The following CLK1 variants were observed in gnomAD, a reference collection of about 807,000 sequenced individuals.
CLK1 encodes dual specificity protein kinase CLK1.
In CLK1, 40 loss-of-function variants were observed where a neutral mutation model predicts 60.9. That is an observed-to-expected ratio of 0.66 (90% CI 0.51 to 0.86). CLK1 has a LOEUF of 0.86. Ranked by LOEUF, CLK1 falls within the 40% of genes least tolerant of loss-of-function variation. The probability of loss-of-function intolerance (pLI) is 0.00; values close to 1 mark genes in which losing one functional copy is unlikely to be tolerated. For synonymous variants in CLK1, 203 were observed against 184.4 expected (o/e 1.10, Z -0.82); for missense variants, 563 against 606.1 (o/e 0.93, Z 0.75).
Position 200,861,781 on chromosome 2 carries a change from G to A in CLK1, c.82C>T (p.His28Tyr), listed in dbSNP as rs1235311818. The A allele has an allele frequency of 1.2e-6, 2 of 1,613,950 alleles. No homozygotes were observed. The highest frequency in any genetic ancestry group is 2.2e-5 in the South Asian group (2 of 91,072). Residue 28 changes from histidine to tyrosine, a missense_variant, in exon 2 of 13, where the codon CAT (histidine) becomes TAT (tyrosine). By Grantham distance (83) the His-to-Tyr change is moderately conservative. Coordinates refer to ENST00000321356, the MANE Select transcript of CLK1 (RefSeq NM_004071.4). ...DYGKWRSSSS[H>Y]KRRKRSHSSA... ...CTATGTGATCTCTTCCTTCTTTTAT[G>A]ACTGCTGCTGCTCCTCCATTTTCCA...
At chr2:200,854,481 A>T (rs1333875330) in intron 11 of CLK1, 135 bp downstream of exon 11, 4 of 579,626 alleles carry the variant, frequency 6.9e-6, no homozygotes, top group African/African-American at 1.9e-5. Context: ...GCTTGCATTG[A>T]GCCGAGGTCA....
rs966098614 is a variant in CLK1, at chr2:200,859,738, C to T, written c.490G>A (p.Val164Ile). The T allele has an allele frequency of 1.6e-5, 26 of 1,613,168 alleles. No homozygotes were observed. The highest frequency in any genetic ancestry group is 8.4e-5 in the Admixed American group (5 of 59,814). ...AAAGCTCCTTCACCTAAAGTATCAA[C>T]AATTTCATCTAAAAGAGAGAAATAA... ...GDVLSARYEIVDTLGEGAFGK... is the reference protein window; with the variant it reads ...GDVLSARYEIIDTLGEGAFGK... The change falls in exon 5 of 13, where the codon GTT becomes ATT. Residue 164 changes from valine to isoleucine, a missense_variant. Val to Ile is a conservative substitution (Grantham distance 29, BLOSUM62 3). Transcript: ENST00000321356.
intron 3 of CLK1, 153 bp from the exon 4 acceptor site, chr2:200,860,368 T>C (rs1043525456): frequency 7.1e-7 from 1 of 1,416,728 alleles, no homozygotes; most frequent in Non-Finnish European, 9.3e-7. Context: ...CAATTTCAAA[T>C]TCAGTCCCCA....
rs758478473 is a variant in CLK1, at chr2:200,855,064, A to G, written c.1080T>C (p.Cys360=). The change falls in exon 10 of 13, where the codon TGT becomes TGC. Residue 360 remains cysteine, a synonymous_variant. Coordinates refer to ENST00000321356, the MANE Select transcript of CLK1 (RefSeq NM_004071.4). ...GAATGCATCCTATGCTCCAGACATC[A>G]CATGGTTGGGACCACCCTAGGGCTG... ...VILALGWSQP[C]DVWSIGCILI... 6.2e-7 allele frequency: 1 copy of G among 1,612,680 alleles called. No homozygotes were observed. Among genetic ancestry groups the G allele is most frequent in the East Asian group, 2.2e-5 (1 of 44,876 alleles).
intron 9 of CLK1, among the ~76,000 whole-genome samples, chr2:200,856,285 T>C (rs1188436795): frequency 6.6e-6 from 1 of 152,070 alleles, no homozygotes. Flanking sequence ...TTAGCCAGGA[T>C]GGTCTCGATT....
chr2:200,859,582 G>A, intron 5 of CLK1, 98 bp downstream of exon 5: 2 of 857,208 alleles, frequency 2.3e-6, no homozygotes, highest in East Asian at 2.5e-5. Flanking sequence ...AGGGTATAAA[G>A]ATATGTATCT....
At chr2:200,859,835 T>A (rs777474642) in intron 4 of CLK1, 89 bp from the exon 5 acceptor site, 2 of 1,553,294 alleles carry the variant, frequency 1.3e-6, no homozygotes, top group African/African-American at 2.7e-5. Flanking sequence ...ATTATTCTAG[T>A]TGATGCTACA....
chr2:200,856,706 A>T lies in CLK1; in HGVS notation c.1033T>A (p.Tyr345Asn). 1 of 1,602,446 alleles carries T rather than the reference A, an allele frequency of 6.2e-7. No individual in the cohort carries two copies. The highest frequency in any genetic ancestry group is 2.2e-5 in the East Asian group (1 of 44,702). ...HHSTLVSTRH[Y>N]RAPEVILALG... ...CCTAAAATAACTTCAGGTGCTCTAT[A>T]ATGTCTTGTAGATACCAATGTACTG... The change falls in exon 9 of 13, where the codon TAT becomes AAT. Residue 345 changes from tyrosine (Y) to asparagine (N), a missense_variant. Transcript: ENST00000321356.
chr2:200,857,960 A>G lies in CLK1; in HGVS notation c.665+13T>C. 6.2e-7 allele frequency: 1 copy of G among 1,612,738 alleles called. No individual in the cohort carries two copies. Among genetic ancestry groups the G allele is most frequent in the Non-Finnish European group, 8.5e-7 (1 of 1,178,776 alleles). ...ACCTGATACCACTTCCCAAGTTCTA[A>G]TCTGATACTTACAAAGTACTGTTGG... On this transcript the variant is annotated intron_variant, in intron 6 of 12. Transcript: ENST00000321356.
intron 11 of CLK1, 190 bp from the exon 12 acceptor site, chr2:200,854,183 A>G (rs763146414): frequency 2.1e-6 from 1 of 483,512 alleles, no homozygotes; most frequent in Non-Finnish European, 3.6e-6. Flanking sequence ...GTTTGACTTC[A>G]TTATTTATAA....
At chr2:200,861,952 G>C (rs2039146367) in intron 1 of CLK1, 90 bp from the exon 2 acceptor site, 1 of 1,006,120 alleles carries the variant, frequency 9.9e-7, no homozygotes, top group Non-Finnish European at 1.5e-6. Context: ...TCGTGACCTC[G>C]TTTTAAGACC....
chr2:200,858,373 AAG>A (rs2039078519), intron 5 of CLK1, among the ~76,000 whole-genome samples: 2 of 152,306 alleles, frequency 1.3e-5, no homozygotes, highest in East Asian at 3.9e-4. Context: ...AGGTTGCCAA[AAG>A]AGTTAGGATA....
At chr2:200,859,816 T>C in intron 4 of CLK1, 70 bp from the exon 5 acceptor site, 1 of 1,592,908 alleles carries the variant, frequency 6.3e-7, no homozygotes, top group South Asian at 1.1e-5. Flanking sequence ...ATAAATGCTA[T>C]CAATGTAGAT....
At chr2:200,854,112 G>T in intron 11 of CLK1, 119 bp from the exon 12 acceptor site, 1 of 616,596 alleles carries the variant, frequency 1.6e-6, no homozygotes. Context: ...TGGCAGCCAT[G>T]GGATAGAAAT....
At position 200,853,968 on chromosome 2, in the gene CLK1, G is replaced by C; in HGVS notation, c.1246C>G (p.Arg416Gly). 1 of 1,609,782 alleles carries C rather than the reference G, an allele frequency of 6.2e-7. No homozygotes were observed. ...GAACTGTGTTCATCCCAGTCTAATC[G>C]ATCGTGGTGAAAATATTTACGTTTC... The part of the protein sequence containing the change: ...TRKRKYFHHD[R>G]LDWDEHSSAG... The change falls in exon 12 of 13, where the codon CGA (arginine) becomes GGA (glycine). Residue 416 changes from arginine to glycine, a missense_variant. This residue lies in a region of CLK1 where 360 missense variants were observed against 407.0 expected (regional missense o/e 0.88). Coordinates refer to ENST00000321356, the MANE Select transcript of CLK1 (RefSeq NM_004071.4).
chr2:200,863,718 G>A (rs1221944502), intron 1 of CLK1, among the ~76,000 whole-genome samples: 1 of 152,152 alleles, frequency 6.6e-6, no homozygotes, highest in African/African-American at 2.4e-5. Flanking sequence ...GCCCGGCGTC[G>A]TGGCGGGCGC....
chr2:200,859,954 A>T, intron 4 of CLK1, 171 bp downstream of exon 4: 1 of 1,432,924 alleles, frequency 7.0e-7, no homozygotes. Flanking sequence ...TATAACAAAC[A>T]TTACATTTCT....
chr2:200,853,183 AAAAT>A lies in CLK1; in HGVS notation c.*119_*122del, dbSNP rs2038973695. 2.8e-6 allele frequency: 2 copies of A among 718,938 alleles called. No individual in the cohort carries two copies. Among genetic ancestry groups the A allele is most frequent in the South Asian group, 2.4e-5 (1 of 41,502 alleles). 44.5% of individuals were successfully genotyped at this position (718,938 alleles called of 1,614,324 possible). On this transcript the variant is annotated 3_prime_UTR_variant, in exon 13 of 13. Coordinates refer to ENST00000321356, the MANE Select transcript of CLK1 (RefSeq NM_004071.4). ...ACTTAATGAACCAAATTACCCAAACAAAATAAACATGGCAATATAAAAATGTTAA... is the reference window on the plus strand; with the variant it reads ...ACTTAATGAACCAAATTACCCAAACAAAACATGGCAATATAAAAATGTTAA...
chr2:200,861,767 C>T lies in CLK1; in HGVS notation c.96G>A (p.Lys32=), dbSNP rs903722641. Residue 32 remains lysine, a synonymous_variant, in exon 2 of 13, where the codon AAG becomes AAA. Transcript: ENST00000321356. ...WRSSSSHKRR[K]RSHSSAQENK... is the part of the protein sequence containing the mutation. ...TCTCCTGGGCACTGCTATGTGATCT[C>T]TTCCTTCTTTTATGACTGCTGCTGC... The T allele has an allele frequency of 1.2e-6, 2 of 1,614,000 alleles. No homozygotes were observed. Among genetic ancestry groups the T allele is most frequent in the Non-Finnish European group, 1.7e-6 (2 of 1,180,002 alleles).
Sources: allele counts gnomAD v4.1 joint callset (sites outside exome capture counted in the v4.1 genomes callset), GRCh38; gene constraint gnomAD v4.1.1; regional missense constraint gnomAD v4.1.1; transcripts MANE v1.5; gene names NCBI Gene and HGNC (gene_info 2026-07-23, HGNC 2026-07-21).